NIBAN2: variants seen among roughly 807,000 people sequenced by gnomAD.
The protein encoded by NIBAN2 is protein Niban 2.
A neutral mutation model predicts 81.8 loss-of-function variants in NIBAN2; 36 were observed. The observed-to-expected ratio is 0.44, with a 90% confidence interval of 0.34 to 0.58. NIBAN2 has a LOEUF of 0.58. Ranked by LOEUF, NIBAN2 falls within the 20% of genes least tolerant of loss-of-function variation. The pLI is 0.02. For missense variants in NIBAN2, 897 were observed against 1,014.1 expected, an observed-to-expected ratio of 0.88 and a Z score of 1.57; for synonymous variants, 445 against 441.6, an observed-to-expected ratio of 1.01 and a Z score of -0.10.
intron 5 of NIBAN2, 119 bp downstream of exon 5, chr9:127,523,560 T>G: frequency 1.0e-6 from 1 of 972,834 alleles, no homozygotes; most frequent in Non-Finnish European, 1.5e-6. Context: ...AGAAGGGAAA[T>G]TAGAACAGCC....
rs774002577 is a variant in NIBAN2, at chr9:127,509,096, G to C, written c.1197C>G (p.Pro399=). ...TCTCATAGCAGCTCTGCATCTTCAG[G>C]GGGTGGTACGCCAGCCGGGACAGCT... The part of the protein sequence containing the change: ...MEKLSRLAYH[P]LKMQSCYEKM... The change falls in exon 10 of 14, where the codon CCC becomes CCG. Residue 399 remains proline (P), a synonymous_variant. Transcript: ENST00000373312. The C allele has an allele frequency of 4.4e-5, 71 of 1,612,914 alleles. No homozygotes were observed. Among genetic ancestry groups the C allele is most frequent in the East Asian group, 2.9e-4 (13 of 44,884 alleles).
chr9:127,574,536 G>A (rs1282717157), intron 1 of NIBAN2, among the ~76,000 whole-genome samples: 2 of 152,040 alleles, frequency 1.3e-5, no homozygotes, highest in Non-Finnish European at 2.9e-5. Context: ...CCCAGCCCAA[G>A]ACCCCTTGCT....
chr9:127,570,005 G>A (rs1490768409), upstream of NIBAN2, among the ~76,000 whole-genome samples: 1 of 152,188 alleles, frequency 6.6e-6, no homozygotes, highest in Non-Finnish European at 1.5e-5. Context: ...TGGCAGGGGA[G>A]ACAGTCAGGT....
intron 1 of NIBAN2, among the ~76,000 whole-genome samples, chr9:127,551,875 C>A (rs1564315378): frequency 6.6e-6 from 1 of 152,214 alleles, no homozygotes; most frequent in Non-Finnish European, 1.5e-5. Flanking sequence ...TGCAGACCTG[C>A]CCTCTGCCTG....
At position 127,506,628 on chromosome 9, in the gene NIBAN2, T is replaced by G. The variant is rs1356489075; in HGVS notation, c.*217A>C. ...GAAAACCCCAAAACCAGCCCCTGCA[T>G]CTGAGATCATCCCACAGAAGAGAAA... On this transcript the variant is annotated 3_prime_UTR_variant, in exon 14 of 14. Coordinates refer to ENST00000373312, the MANE Select transcript of NIBAN2 (RefSeq NM_022833.4). The G allele has an allele frequency of 4.6e-6, 2 of 438,932 alleles. No homozygotes were observed. The highest frequency in any genetic ancestry group is 8.0e-6 in the Non-Finnish European group (2 of 250,104). The allele number at this position is 438,932 out of a possible 1,614,324, so 27.2% of individuals were successfully genotyped here. A position where few individuals can be genotyped will look rare whatever the true frequency, so the allele number is the denominator to read the frequency against.
rs899684507 is a variant in NIBAN2 at position 127,505,913 on chromosome 9, T to G, written c.*932A>C. ...CAACCTGTACCCCTCAGGAGCCCCG[T>G]CCGGCTCCCCAGGCAACCACTGAGG... On this transcript the variant is annotated 3_prime_UTR_variant, in exon 14 of 14. Transcript: ENST00000373312. 3.9e-5 allele frequency: 6 copies of G among 152,346 alleles called. No individual in the cohort carries two copies. Among genetic ancestry groups the G allele is most frequent in the Non-Finnish European group, 8.8e-5 (6 of 68,210 alleles). The allele number at this position is 152,346 out of a possible 1,614,324, so 9.4% of individuals were successfully genotyped here. A position where few individuals can be genotyped will look rare whatever the true frequency, so the allele number is the denominator to read the frequency against.
intron 1 of NIBAN2, among the ~76,000 whole-genome samples, chr9:127,534,546 A>G (rs1837238707): frequency 6.6e-6 from 1 of 152,134 alleles, no homozygotes; most frequent in Non-Finnish European, 1.5e-5. Flanking sequence ...GCTCATAACC[A>G]GGGTCCCAGG....
chr9:127,520,188 C>A (rs930244917), intron 5 of NIBAN2, among the ~76,000 whole-genome samples: 4 of 151,350 alleles, frequency 2.6e-5, no homozygotes, highest in South Asian at 2.1e-4. Flanking sequence ...GGAGTCCTAA[C>A]CCCCAGTACC....
chr9:127,510,917 T>G (rs1014122500), intron 8 of NIBAN2, among the ~76,000 whole-genome samples: 1 of 152,208 alleles, frequency 6.6e-6, no homozygotes, highest in Non-Finnish European at 1.5e-5. Flanking sequence ...CACTGCAGGC[T>G]TGTTCCATGG....
intron 8 of NIBAN2, among the ~76,000 whole-genome samples, chr9:127,515,393 C>T (rs532063692): frequency 6.5e-4 from 98 of 151,848 alleles, no homozygotes; most frequent in African/African-American, 2.2e-3. Flanking sequence ...TGGTGGCGGG[C>T]GCCTGTAGTC....
chr9:127,510,066 G>A, intron 9 of NIBAN2, 80 bp downstream of exon 9: 1 of 1,345,284 alleles, frequency 7.4e-7, no homozygotes, highest in Non-Finnish European at 1.0e-6. Flanking sequence ...CGGCTGCCCG[G>A]AGTCACGCAG....
intron 1 of NIBAN2, among the ~76,000 whole-genome samples, chr9:127,547,711 C>T (rs1837498803): frequency 6.6e-6 from 1 of 151,652 alleles, no homozygotes; most frequent in African/African-American, 2.4e-5. Context: ...GTGGCGCATG[C>T]CTGTAATCCT....
chr9:127,566,641 G>A (rs1837864033), intron 1 of NIBAN2, among the ~76,000 whole-genome samples: 2 of 152,156 alleles, frequency 1.3e-5, no homozygotes, highest in Admixed American at 6.5e-5. Context: ...TGGGAACTCA[G>A]AGCACTGTGG....
chr9:127,564,841 C>G (rs1369125805), intron 1 of NIBAN2, among the ~76,000 whole-genome samples: 1 of 150,924 alleles, frequency 6.6e-6, no homozygotes, highest in Non-Finnish European at 1.5e-5. Flanking sequence ...CCACTGCACT[C>G]CAGCCTGAGT....
intron 1 of NIBAN2, among the ~76,000 whole-genome samples, chr9:127,554,395 C>T (rs1291217469): frequency 1.3e-5 from 2 of 152,138 alleles, no homozygotes; most frequent in Non-Finnish European, 2.9e-5. Flanking sequence ...CCAGAATTTT[C>T]TCTTCCCTCT....
At chr9:127,510,389 A>T (rs901157238) in intron 8 of NIBAN2, 56 bp from the exon 9 acceptor site, 15 of 1,398,250 alleles carry the variant, frequency 1.1e-5, no homozygotes, top group Non-Finnish European at 1.5e-5. Flanking sequence ...CCTCCCAGCC[A>T]TCCCAGAGCC....
intron 1 of NIBAN2, among the ~76,000 whole-genome samples, chr9:127,544,002 A>G (rs552378379): frequency 1.3e-5 from 2 of 151,974 alleles, no homozygotes; most frequent in Non-Finnish European, 2.9e-5. Context: ...GAGGCTCCTG[A>G]GAAGTTAAGT....
At chr9:127,514,588 G>T (rs1375465900) in intron 8 of NIBAN2, among the ~76,000 whole-genome samples, 1 of 152,204 alleles carries the variant, frequency 6.6e-6, no homozygotes, top group Non-Finnish European at 1.5e-5. Flanking sequence ...CAACAGCAAT[G>T]AAAAATACCT....
Position 127,517,430 on chromosome 9 carries a change from G to T in NIBAN2, c.706-214C>A, listed in dbSNP as rs1836854972. 6.6e-6 allele frequency among the ~76,000 whole-genome samples: 1 copy of T among 152,158 alleles called. No individual in the cohort carries two copies. The highest frequency in any genetic ancestry group is 2.4e-5 in the African/African-American group (1 of 41,404). ...TCCTGTAGGATCCTCAGACTCAAGG[G>T]CCAGCCCCAGGGCCTTTGCACAGGC... is the stretch of plus-strand genomic sequence containing the variant. On this transcript the variant is annotated intron_variant, in intron 6 of 13. Transcript: ENST00000373312. The surrounding 1 kb of genome is among the most constrained non-coding windows in gnomAD (Gnocchi z 4.0).
Sources: gnomAD v4.1 joint callset for allele counts (sites outside exome capture counted in the v4.1 genomes callset) on GRCh38, gnomAD v4.1.1 for gene constraint, Gnocchi (gnomAD v3.1) non-coding constraint, MANE v1.5 for transcripts, NCBI Gene and HGNC (gene_info 2026-07-23, HGNC 2026-07-21) for gene names.